Variants in F8 observed in about 807,000 individuals in gnomAD.
The protein encoded by F8 is antihemophilic factor.
Under a neutral mutation model 140.6 loss-of-function variants are expected in F8, and 12 were observed. The observed-to-expected ratio is 0.09, with a 90% CI of 0.05 to 0.14. The LOEUF is 0.14. Ranked by LOEUF, F8 falls within the 10% of genes least tolerant of loss-of-function variation. The probability of loss-of-function intolerance (pLI) is 1.00; values close to 1 mark genes in which losing one functional copy is unlikely to be tolerated. For synonymous variants in F8, 585 were observed against 614.6 expected (o/e 0.95, Z 0.71); for missense variants, 1,354 against 1,720.7 (o/e 0.79, Z 3.77).
chrX:154,849,461 C>CTTTTTTTTTT (rs782727629), intron 25 of F8, among the ~76,000 whole-genome samples: 1 of 86,619 alleles, frequency 1.2e-5, no homozygotes, highest in Non-Finnish European at 2.2e-5. Flanking sequence ...TTTACTTTTG[C>CTTTTTTTTTT]TTTTTTTTTT....
chrX:154,962,025 T>A (rs2073397758), intron 9 of F8, among the ~76,000 whole-genome samples: 1 of 111,640 alleles, frequency 9.0e-6, no homozygotes, highest in African/African-American at 3.3e-5. Flanking sequence ...AAATGTTAAG[T>A]CTCCACCCCA....
chrX:154,901,000 T>G (rs1226954304), intron 20 of F8, among the ~76,000 whole-genome samples: 3 of 112,943 alleles, frequency 2.7e-5, no homozygotes, highest in Non-Finnish European at 5.6e-5. Flanking sequence ...GTGCTGCATT[T>G]AGCCTGTGGG....
rs376126708 is a variant in F8, at chrX:154,895,877, A to T, written c.6429+200T>A. Among the ~76,000 whole-genome samples, 166 of 112,135 alleles carry T rather than the reference A, an allele frequency of 1.5e-3. 2 individuals are homozygous for T. In the South Asian group the frequency reaches 0.06, roughly 41 times the overall value. On this transcript the variant is annotated intron_variant, in intron 22 of 25. Coordinates refer to ENST00000360256, the MANE Select transcript of F8 (RefSeq NM_000132.4). ...AATCACATATTTCTATCAATACAGC[A>T]TCTCTTCATTTCTATCATCTATGAG...
chrX:154,839,633 C>A (rs898524444), intron 25 of F8, among the ~76,000 whole-genome samples: 2 of 111,363 alleles, frequency 1.8e-5, no homozygotes, highest in Non-Finnish European at 3.8e-5. Context: ...AAGTGCTGAG[C>A]TACCTCTTTA....
chrX:154,863,404 C>T (rs1168652020), intron 22 of F8, among the ~76,000 whole-genome samples, 177 bp from the exon 23 acceptor site: 1 of 111,615 alleles, frequency 9.0e-6, no homozygotes, highest in African/African-American at 3.3e-5. Context: ...GAGGAAAGCA[C>T]CAAGAAGAAG....
Position 154,984,683 on chromosome X carries a change from A to G in F8, c.787+4T>C. 1 of 1,193,144 alleles carries G rather than the reference A, an allele frequency of 8.4e-7. No homozygotes were observed. Among genetic ancestry groups the G allele is most frequent in the Non-Finnish European group, 1.1e-6 (1 of 878,514 alleles). On this transcript the variant is annotated splice_donor_region_variant and intron_variant, in intron 6 of 25. Transcript: ENST00000360256. ...TGAGGATTGTTGAGCAGGTGTGTAC[A>G]TACCTGGCAGAGACCTGTTTACATA...
chrX:154,918,393 A>G (rs2073110722), intron 14 of F8, among the ~76,000 whole-genome samples: 1 of 111,148 alleles, frequency 9.0e-6, no homozygotes, highest in African/African-American at 3.3e-5. Flanking sequence ...AGCTGCCCTC[A>G]GGATTTTTTT....
At position 154,845,517 on chromosome X, in the gene F8, T is replaced by A. The variant is rs1369803777; in HGVS notation, c.6901-7765A>T. 7.1e-5 allele frequency among the ~76,000 whole-genome samples: 8 copies of A among 112,222 alleles called. No individual in the cohort carries two copies. In the East Asian group the frequency reaches 2.2e-3, roughly 31 times the overall value. On this transcript the variant is annotated intron_variant, in intron 25 of 25. Transcript: ENST00000360256. The stretch of plus-strand genomic sequence containing the variant: ...GATTCAACTTCTTCCTGGTTTAGTC[T>A]TGGGAGGGTGTATGTGTCCAGGAAT...
At chrX:154,890,519 C>T (rs2072935897) in intron 22 of F8, among the ~76,000 whole-genome samples, 1 of 111,825 alleles carries the variant, frequency 8.9e-6, no homozygotes, top group African/African-American at 3.3e-5. Context: ...CTTTCAAAAC[C>T]ACGTTTGGGT....
chrX:154,858,610 C>T (rs1047923009), intron 25 of F8, among the ~76,000 whole-genome samples: 9 of 112,175 alleles, frequency 8.0e-5, no homozygotes, highest in Non-Finnish European at 1.7e-4. Context: ...CCATGCAGGA[C>T]TACTAGTGGC....
intron 1 of F8, among the ~76,000 whole-genome samples, chrX:155,016,306 T>G (rs1207869380): frequency 9.0e-6 from 1 of 111,522 alleles, no homozygotes; most frequent in East Asian, 2.8e-4. Context: ...TTGTCCAGGA[T>G]ATATTGCAAC....
intron 1 of F8, among the ~76,000 whole-genome samples, chrX:155,020,201 A>C (rs1408185598): frequency 1.8e-5 from 2 of 112,080 alleles, no homozygotes; most frequent in Non-Finnish European, 3.8e-5. Flanking sequence ...TAGATTAGTG[A>C]AACAGCCTAA....
At chrX:154,905,491 C>T (rs782343995) in intron 15 of F8, among the ~76,000 whole-genome samples, 1 of 111,405 alleles carries the variant, frequency 9.0e-6, no homozygotes, top group Non-Finnish European at 1.9e-5. Context: ...CCCACAATTC[C>T]ATAATTTTAG....
chrX:154,879,847 CA>C (rs1323871820), intron 22 of F8, among the ~76,000 whole-genome samples: 1 of 111,318 alleles, frequency 9.0e-6, no homozygotes. Flanking sequence ...TTCCGTCCTT[CA>C]CTCTCTGTCT....
Position 154,954,071 on chromosome X carries a change from A to G in F8, c.1753-29T>C, listed in dbSNP as rs782136018. 3 of 1,193,467 alleles carry G rather than the reference A, an allele frequency of 2.5e-6. No individual in the cohort carries two copies. The South Asian group carries it at 5.3e-5, about 21-fold the overall frequency. Reference sequence around the variant, plus strand: ...TTAATTACATATATTGAAAGGGGTAAAGAAATGCTACTGATGTTGTCAGGT... The same window carrying G: ...TTAATTACATATATTGAAAGGGGTAGAGAAATGCTACTGATGTTGTCAGGT... On this transcript the variant is annotated intron_variant, in intron 11 of 25. Transcript: ENST00000360256.
chrX:154,976,620 T>C (rs1047080265), intron 6 of F8, among the ~76,000 whole-genome samples: 3 of 95,273 alleles, frequency 3.1e-5, no homozygotes, highest in Admixed American at 2.5e-4. Flanking sequence ...TTCCCCTTCC[T>C]GTGTCCATGT....
chrX:154,868,404 A>G (rs782798815), intron 22 of F8, among the ~76,000 whole-genome samples: 2 of 112,058 alleles, frequency 1.8e-5, no homozygotes, highest in South Asian at 7.4e-4. Context: ...CATGGGACTT[A>G]TGGGACAGCC....
At chrX:154,853,937 C>G (rs1358142260) in intron 25 of F8, among the ~76,000 whole-genome samples, 5 of 111,370 alleles carry the variant, frequency 4.5e-5, no homozygotes, top group Non-Finnish European at 9.4e-5. Context: ...ATAAAATTTA[C>G]CATTTTAATC....
rs782658226 is a variant in F8, at chrX:154,896,107, A to G, written c.6399T>C (p.Thr2133=). 4.1e-6 allele frequency: 5 copies of G among 1,210,802 alleles called. No homozygotes were observed. The Admixed American group carries it at 1.1e-4, about 26-fold the overall frequency. Residue 2133 remains threonine, a synonymous_variant, in exon 22 of 26, where the codon ACT becomes ACC. Transcript: ENST00000360256. ...AGGTTCCAGTGGAATTTCCTCGATA[A>G]GTCTGCCACTTCTTCCCATCAAGAC... ...MYSLDGKKWQ[T]YRGNSTGTLM... is the part of the protein sequence containing the mutation.
Sources: gnomAD v4.1 joint callset for allele counts (sites outside exome capture counted in the v4.1 genomes callset) on GRCh38, gnomAD v4.1.1 for gene constraint, MANE v1.5 for transcripts, NCBI Gene and HGNC (gene_info 2026-07-23, HGNC 2026-07-21) for gene names.